Variants in DHRSX observed in about 807,000 individuals in gnomAD.
The protein encoded by DHRSX is dehydrogenase/reductase X-linked, also known as polyprenol dehydrogenase.
A neutral mutation model predicts 34.0 loss-of-function variants in DHRSX; 31 were observed. The observed-to-expected ratio is 0.91, with a 90% CI of 0.69 to 1.23. The LOEUF (loss-of-function observed/expected upper bound fraction) is 1.23. Among genes scored for constraint, DHRSX ranks in the 50% most tolerant of loss-of-function variants. The pLI is 0.00. For synonymous variants in DHRSX, 201 were observed against 183.8 expected, an observed-to-expected ratio of 1.09 and a Z score of -0.76; for missense variants, 414 against 428.1, an observed-to-expected ratio of 0.97 and a Z score of 0.29.
chrX:2,389,246 T>G (rs1895090013), intron 3 of DHRSX, among the ~76,000 whole-genome samples: 1 of 152,126 alleles, frequency 6.6e-6, no homozygotes, highest in Admixed American at 6.5e-5. Context: ...CTCTCTCACC[T>G]GCACCCAGGT....
intron 2 of DHRSX, among the ~76,000 whole-genome samples, chrX:2,409,359 C>G (rs2043597937): frequency 6.6e-6 from 1 of 152,098 alleles, no homozygotes; most frequent in Admixed American, 6.6e-5. Flanking sequence ...CGTGCCATGG[C>G]AGTTTGCTGC....
intron 5 of DHRSX, among the ~76,000 whole-genome samples, chrX:2,254,777 G>C (rs1403433819): frequency 6.6e-6 from 1 of 151,930 alleles, no homozygotes; most frequent in Non-Finnish European, 1.5e-5. Context: ...CTTCCGAGTA[G>C]CTGGGACTAC....
intron 3 of DHRSX, among the ~76,000 whole-genome samples, chrX:2,303,524 G>T (rs73185778): frequency 0.43 from 65,517 of 151,868 alleles, 14,769 homozygotes; most frequent in Middle Eastern, 0.55. Context: ...ATTGTAAGTT[G>T]CCTGAGGCCT....
intron 4 of DHRSX, among the ~76,000 whole-genome samples, chrX:2,269,269 TACAC>T (rs2041517070): frequency 6.6e-6 from 1 of 152,262 alleles, no homozygotes; most frequent in South Asian, 2.1e-4. Flanking sequence ...ATTTTATATC[TACAC>T]ACAAATATAT....
At chrX:2,356,098 G>A (rs1330290907) in intron 3 of DHRSX, among the ~76,000 whole-genome samples, 1 of 150,522 alleles carries the variant, frequency 6.6e-6, no homozygotes, top group African/African-American at 2.4e-5. Context: ...ATAATTAGCC[G>A]GGTCTGGTGG....
At chrX:2,446,448 T>A (rs1239726209) in intron 1 of DHRSX, among the ~76,000 whole-genome samples, 1 of 149,596 alleles carries the variant, frequency 6.7e-6, no homozygotes, top group Non-Finnish European at 1.5e-5. Context: ...GACAGCTGTG[T>A]ACACACTGAA....
intron 1 of DHRSX, among the ~76,000 whole-genome samples, chrX:2,484,406 C>T (rs888313831): frequency 2.6e-5 from 4 of 152,100 alleles, no homozygotes; most frequent in Admixed American, 1.3e-4. Context: ...AAGGACCTCC[C>T]GCATCTGACT....
chrX:2,440,788 C>A (rs2044052980), intron 1 of DHRSX, among the ~76,000 whole-genome samples: 1 of 152,150 alleles, frequency 6.6e-6, no homozygotes, highest in East Asian at 1.9e-4. Flanking sequence ...GGCTTCCTGG[C>A]TCCTCAGCTT....
intron 5 of DHRSX, 92 bp downstream of exon 5, chrX:2,266,648 T>G (rs927990997): frequency 1.6e-6 from 2 of 1,282,042 alleles, no homozygotes; most frequent in African/African-American, 1.5e-5. Context: ...GTCCAGCAGA[T>G]GCAGGGAGCG....
chrX:2,232,597 T>C (rs987432972), intron 6 of DHRSX, among the ~76,000 whole-genome samples: 10 of 151,802 alleles, frequency 6.6e-5, no homozygotes. Flanking sequence ...TATTATTTAT[T>C]TATTTATTTG....
intron 3 of DHRSX, among the ~76,000 whole-genome samples, chrX:2,376,832 A>G (rs1362044295): frequency 6.6e-6 from 1 of 152,098 alleles, no homozygotes; most frequent in Non-Finnish European, 1.5e-5. Flanking sequence ...TGTCTCTACT[A>G]AAAATACAAA....
intron 1 of DHRSX, among the ~76,000 whole-genome samples, chrX:2,467,846 T>A (rs1453194054): frequency 2.0e-5 from 3 of 151,558 alleles, no homozygotes; most frequent in African/African-American, 7.3e-5. Flanking sequence ...TGGTGGTGCA[T>A]GCCCGTACTC....
intron 5 of DHRSX, among the ~76,000 whole-genome samples, chrX:2,252,973 C>T (rs746752060): frequency 1.4e-4 from 21 of 152,236 alleles, no homozygotes; most frequent in African/African-American, 5.1e-4. Context: ...GTCGCTTGAG[C>T]CCAGGAGTTC....
Position 2,464,205 on chromosome X carries a change from G to A in DHRSX, c.109+36612C>T, listed in dbSNP as rs765844191. Reference sequence around the variant, plus strand: ...TTCCTAGGCATGTGGCTAAGGGACCGCCGTGTACACACTTAAGACATTCCC... The same window carrying A: ...TTCCTAGGCATGTGGCTAAGGGACCACCGTGTACACACTTAAGACATTCCC... On this transcript the variant is annotated intron_variant, in intron 1 of 6. Coordinates refer to ENST00000334651, the MANE Select transcript of DHRSX (RefSeq NM_145177.3). Among the ~76,000 whole-genome samples, 6 of 150,826 alleles carry A rather than the reference G, an allele frequency of 4.0e-5. No individual in the cohort carries two copies. The South Asian group carries it at 8.4e-4, about 21-fold the overall frequency.
At chrX:2,398,911 G>A (rs2043447829) in intron 3 of DHRSX, among the ~76,000 whole-genome samples, 1 of 152,060 alleles carries the variant, frequency 6.6e-6, no homozygotes, top group Non-Finnish European at 1.5e-5. Context: ...GGAGTGCAGT[G>A]GCGCGATCTC....
chrX:2,490,579 G>A, intron 1 of DHRSX: 2 of 1,613,986 alleles, frequency 1.2e-6, no homozygotes, highest in Non-Finnish European at 1.7e-6. Context: ...TGCAGATGCG[G>A]CAGTAGATTT....
intron 3 of DHRSX, among the ~76,000 whole-genome samples, chrX:2,389,992 G>A (rs954676157): frequency 1.6e-4 from 25 of 151,856 alleles, no homozygotes; most frequent in Non-Finnish European, 3.2e-4. Flanking sequence ...TGTCGGCCAC[G>A]GTGGTCTCGA....
At chrX:2,489,171 C>CA in intron 1 of DHRSX, 1 of 1,613,656 alleles carries the variant, frequency 6.2e-7, no homozygotes, top group Non-Finnish European at 8.5e-7. Context: ...ATCTTGTCCT[C>CA]AGCCGGCCGG....
At chrX:2,318,174 G>A (rs1045753873) in intron 3 of DHRSX, among the ~76,000 whole-genome samples, 6 of 136,980 alleles carry the variant, frequency 4.4e-5, no homozygotes, top group East Asian at 2.1e-4. Context: ...GTGAAACCTC[G>A]TGTCTACCAA....
Sources: gnomAD v4.1 joint callset for allele counts (sites outside exome capture counted in the v4.1 genomes callset) on GRCh38, gnomAD v4.1.1 for gene constraint, MANE v1.5 for transcripts, NCBI Gene and HGNC (gene_info 2026-07-23, HGNC 2026-07-21) for gene names.